NCOR2: variants seen among roughly 807,000 people sequenced by gnomAD.
NCOR2 encodes nuclear receptor corepressor 2.
A neutral mutation model predicts 262.9 loss-of-function variants in NCOR2; 81 were observed. That is an observed-to-expected ratio of 0.31 (90% CI 0.26 to 0.37). The LOEUF is 0.37. NCOR2 is among the 10% of genes least tolerant of loss of function. The pLI, the probability that NCOR2 is intolerant of heterozygous loss-of-function variation, is 1.00. For missense variants in NCOR2, 3,385 were observed against 3,621.4 expected, an observed-to-expected ratio of 0.93 and a Z score of 1.68; for synonymous variants, 1,659 against 1,559.3, an observed-to-expected ratio of 1.06 and a Z score of -1.51.
Position 124,531,935 on chromosome 12 carries a change from C to A in NCOR2, c.-118+3630G>T, listed in dbSNP as rs1175053743. 6.6e-6 allele frequency among the ~76,000 whole-genome samples: 1 copy of A among 151,690 alleles called. No homozygotes were observed. Among genetic ancestry groups the A allele is most frequent in the Admixed American group, 6.6e-5 (1 of 15,258 alleles). ...CACTCACAGAGTTTCGAGTCACGGG[C>A]AACCCACTTTTGGGGCCAGGGGCTC... On this transcript the variant is annotated intron_variant, in intron 1 of 46. Coordinates refer to the NCOR2 transcript ENST00000404621. This position sits in a 1 kb window ranked among gnomAD's most constrained non-coding sequence, Gnocchi z 4.5.
intron 34 of NCOR2, 34 bp from the exon 37 acceptor site, chr12:124,340,785 AG>A: frequency 6.8e-7 from 1 of 1,479,640 alleles, no homozygotes; most frequent in Non-Finnish European, 8.9e-7. Flanking sequence ...CTGTAGCCAC[AG>A]GGAGGAGAGA....
intron 38 of NCOR2, chr12:124,336,448 G>A: frequency 5.9e-6 from 2 of 338,640 alleles, no homozygotes; most frequent in Non-Finnish European, 9.9e-6. Flanking sequence ...TGCAAATGAT[G>A]AGCGCCCCCA....
intron 1 of NCOR2, among the ~76,000 whole-genome samples, chr12:124,488,736 C>T (rs1478482085): frequency 6.6e-6 from 1 of 152,196 alleles, no homozygotes; most frequent in Non-Finnish European, 1.5e-5. Flanking sequence ...TCACAGTCTG[C>T]CAGGAGGATC....
intron 1 of NCOR2, among the ~76,000 whole-genome samples, chr12:124,559,658 A>C (rs759337429): frequency 6.6e-6 from 1 of 152,226 alleles, no homozygotes; most frequent in Non-Finnish European, 1.5e-5. Flanking sequence ...GGAATGTGTA[A>C]GGTAAGATAA....
At chr12:124,357,930 CAT>C (rs1194753961) in intron 22 of NCOR2, among the ~76,000 whole-genome samples, 15 of 125,140 alleles carry the variant, frequency 1.2e-4, no homozygotes, top group Admixed American at 3.4e-4. Flanking sequence ...CACGTGCGTG[CAT>C]GTGTGTGTGA....
At chr12:124,445,837 C>T (rs2045134347) in intron 7 of NCOR2, among the ~76,000 whole-genome samples, 2 of 152,350 alleles carry the variant, frequency 1.3e-5, no homozygotes, top group East Asian at 1.9e-4. Context: ...GAGTCTGGGT[C>T]TCTGTAGACA....
rs1290634653 is a variant in NCOR2, at chr12:124,483,783, G to A, written c.234-10C>T. The A allele has an allele frequency of 6.3e-7, 1 of 1,587,900 alleles. No homozygotes were observed. Among genetic ancestry groups the A allele is most frequent in the South Asian group, 1.1e-5 (1 of 87,428 alleles). ...GTGGAGCTCCTGGGACCTGCAGGAGGTGAGGCATCCAACGTCACATAGGAG... is the reference window on the plus strand; with the variant it reads ...GTGGAGCTCCTGGGACCTGCAGGAGATGAGGCATCCAACGTCACATAGGAG... On this transcript the variant is annotated splice_polypyrimidine_tract_variant and intron_variant, in intron 2 of 46. Transcript: ENST00000405201. The surrounding 1 kb of genome is among the most constrained non-coding windows in gnomAD (Gnocchi z 6.3).
At chr12:124,478,367 G>A (rs1047790418) in intron 3 of NCOR2, among the ~76,000 whole-genome samples, 1 of 152,182 alleles carries the variant, frequency 6.6e-6, no homozygotes, top group African/African-American at 2.4e-5. Flanking sequence ...TGCTATTTGT[G>A]ACAATTCTAA....
At position 124,370,177 on chromosome 12, in the gene NCOR2, T is replaced by C. The variant is rs1038724444; in HGVS notation, c.2807+1845A>G. 6.6e-4 allele frequency among the ~76,000 whole-genome samples: 101 copies of C among 152,176 alleles called. 1 individual carries two copies. The highest frequency in any genetic ancestry group is 2.4e-3 in the African/African-American group (98 of 41,446). On this transcript the variant is annotated intron_variant, in intron 20 of 46. Transcript: ENST00000405201. ...CCCAGCCACACCATGAACACTGTTT[T>C]CCAAGCTGGGACTGTCGGGCAAGAA... is the stretch of plus-strand genomic sequence containing the variant.
At chr12:124,386,889 C>A (rs968549297) in intron 16 of NCOR2, among the ~76,000 whole-genome samples, 1 of 152,258 alleles carries the variant, frequency 6.6e-6, no homozygotes, top group South Asian at 2.1e-4. Context: ...TGTGGCCCAG[C>A]CAGTCCATGC....
At chr12:124,400,582 G>A (rs2041941291) in exon 15 of NCOR2, 46 of 1,614,178 alleles carry the variant, frequency 2.8e-5, no homozygotes, top group Middle Eastern at 1.6e-4. Context: ...CGGCCTTTGC[G>A]TCTTCCCTGG....
chr12:124,536,743 T>C (rs956480602), upstream of NCOR2, among the ~76,000 whole-genome samples: 2 of 152,226 alleles, frequency 1.3e-5, no homozygotes, highest in African/African-American at 4.8e-5. Context: ...AAAAACAGTT[T>C]GGCCATTTCT....
chr12:124,470,007 A>T (rs2046746774), intron 4 of NCOR2, among the ~76,000 whole-genome samples: 1 of 152,042 alleles, frequency 6.6e-6, no homozygotes, highest in Non-Finnish European at 1.5e-5. Context: ...CTCTACAAAA[A>T]ACACAAAAAT....
At chr12:124,493,234 A>G (rs2048190979) in intron 1 of NCOR2, among the ~76,000 whole-genome samples, 2 of 152,188 alleles carry the variant, frequency 1.3e-5, no homozygotes, top group South Asian at 2.1e-4. Flanking sequence ...GGACTCCCCA[A>G]GGCTAGGAGC....
exon 25 of NCOR2, chr12:124,354,936 T>A: frequency 6.2e-7 from 1 of 1,612,794 alleles, no homozygotes; most frequent in East Asian, 2.2e-5. Context: ...TGGACCGACA[T>A]TCCCTGTAGG....
In NCOR2 at chr12:124,426,811, A is replaced by G; in HGVS notation, c.1150-11T>C. On this transcript the variant is annotated splice_polypyrimidine_tract_variant and intron_variant, in intron 10 of 46. Coordinates refer to ENST00000405201, the Ensembl canonical transcript of NCOR2. ...CTGCTTCTCCAGGTTCTGCAGGGAA[A>G]CGGAGGGCAGGGTCAGAGGCCCAGG... 2 of 1,565,528 alleles carry G rather than the reference A, an allele frequency of 1.3e-6. No homozygotes were observed. The highest frequency in any genetic ancestry group is 1.7e-6 in the Non-Finnish European group (2 of 1,147,136).
At chr12:124,426,767 T>C in exon 11 of NCOR2, 2 of 1,589,958 alleles carry the variant, frequency 1.3e-6, no homozygotes, top group East Asian at 2.3e-5. Flanking sequence ...ATGGGCGGGA[T>C]CACGGCCAGC....
rs1407740873 is a variant in NCOR2, at chr12:124,419,078, G to T, written c.1482+879C>A. Among the ~76,000 whole-genome samples, 3 of 152,274 alleles carry T rather than the reference G, an allele frequency of 2.0e-5. No homozygotes were observed. The East Asian group carries it at 5.8e-4, about 29-fold the overall frequency. On this transcript the variant is annotated intron_variant, in intron 13 of 46. Transcript: ENST00000405201. ...CTCCCAGCATCTGCTCTGAGACGATGCTTCAAGAGCCCGGATGCAAAACAA... is the reference window on the plus strand; with the variant it reads ...CTCCCAGCATCTGCTCTGAGACGATTCTTCAAGAGCCCGGATGCAAAACAA...
At chr12:124,361,044 C>T (rs7980316) in intron 22 of NCOR2, among the ~76,000 whole-genome samples, 15,167 of 150,626 alleles carry the variant, frequency 0.1, 1,648 homozygotes, top group East Asian at 0.62. Context: ...CCTCGGTGGA[C>T]CCCGGAGGCA....
Sources: allele counts gnomAD v4.1 joint callset (sites outside exome capture counted in the v4.1 genomes callset), GRCh38; gene constraint gnomAD v4.1.1; non-coding constraint Gnocchi (gnomAD v3.1); transcripts MANE v1.5; gene names NCBI Gene and HGNC (gene_info 2026-07-23, HGNC 2026-07-21).